The following CNTNAP4 variants were observed in gnomAD, a reference collection of about 807,000 sequenced individuals.
The protein encoded by CNTNAP4 is contactin-associated protein-like 4.
Under a neutral mutation model 148.4 loss-of-function variants are expected in CNTNAP4, and 98 were observed. That is an observed-to-expected ratio of 0.66 (90% confidence interval 0.56 to 0.78). The LOEUF is 0.78. CNTNAP4 is among the 30% of genes least tolerant of loss of function. CNTNAP4 has a pLI of 0.00. For synonymous variants in CNTNAP4, 730 were observed against 565.1 expected, an observed-to-expected ratio of 1.29 and a Z score of -4.14; for missense variants, 1,935 against 1,565.6, an observed-to-expected ratio of 1.24 and a Z score of -3.98.
intron 3 of CNTNAP4, among the ~76,000 whole-genome samples, chr16:76,411,866 C>G (rs2078809263): frequency 6.6e-6 from 1 of 151,374 alleles, no homozygotes. Context: ...GTATATACAA[C>G]TCATTGGACT....
intron 2 of CNTNAP4, among the ~76,000 whole-genome samples, chr16:76,322,609 G>A (rs1962540637): frequency 6.6e-6 from 1 of 152,092 alleles, no homozygotes; most frequent in Middle Eastern, 3.2e-3. Flanking sequence ...ACAGTGAGAT[G>A]GTATTGTCCT....
At chr16:76,416,828 A>G (rs1389826020) in intron 3 of CNTNAP4, among the ~76,000 whole-genome samples, 1 of 151,314 alleles carries the variant, frequency 6.6e-6, no homozygotes, top group Non-Finnish European at 1.5e-5. Flanking sequence ...AACTATAATA[A>G]TGGACTTCTC....
chr16:76,554,413 A>G (rs550515034), intron 23 of CNTNAP4, among the ~76,000 whole-genome samples: 1 of 152,194 alleles, frequency 6.6e-6, no homozygotes, highest in East Asian at 1.9e-4. Flanking sequence ...TCAACTAAAT[A>G]TTACACTTTC....
Position 76,479,442 on chromosome 16 carries a change from G to A in CNTNAP4, c.1786G>A (p.Ala596Thr). Residue 596 changes from alanine (A) to threonine (T), a missense_variant, in exon 12 of 24, where the codon GCC (alanine) becomes ACC (threonine). Coordinates refer to ENST00000611870, the MANE Select transcript of CNTNAP4 (RefSeq NM_033401.5). ...HNSIYEQSCE[A>T]YKHRGNTSGF... ...AGCTATCTATGAGCAGTCATGTGAA[G>A]CCTATAAGCACAGAGGAAATACTTC... 6.2e-7 allele frequency: 1 copy of A among 1,606,724 alleles called. No homozygotes were observed. The highest frequency in any genetic ancestry group is 8.5e-7 in the Non-Finnish European group (1 of 1,176,730).
At chr16:76,488,448 G>C (rs1386049416) in intron 12 of CNTNAP4, among the ~76,000 whole-genome samples, 1 of 152,064 alleles carries the variant, frequency 6.6e-6, no homozygotes, top group Non-Finnish European at 1.5e-5. Flanking sequence ...CTGTGAAGTT[G>C]GTCCAGCCTC....
At chr16:76,431,333 T>C (rs1423772102) in intron 4 of CNTNAP4, among the ~76,000 whole-genome samples, 2 of 152,144 alleles carry the variant, frequency 1.3e-5, no homozygotes, top group Admixed American at 6.5e-5. Context: ...GCTTTCACTC[T>C]TGTTTGGACA....
chr16:76,414,939 C>T (rs1292141573), intron 3 of CNTNAP4, among the ~76,000 whole-genome samples: 1 of 145,540 alleles, frequency 6.9e-6, no homozygotes, highest in East Asian at 2.0e-4. Flanking sequence ...CTTAAACGTT[C>T]TTTTCAAAAA....
chr16:76,436,066 G>T (rs2079814100), intron 4 of CNTNAP4, among the ~76,000 whole-genome samples: 1 of 152,214 alleles, frequency 6.6e-6, no homozygotes, highest in East Asian at 1.9e-4. Context: ...CTTTAGTCTA[G>T]TTATAGGTAT....
intron 2 of CNTNAP4, among the ~76,000 whole-genome samples, chr16:76,340,765 G>A (rs898362616): frequency 2.6e-5 from 4 of 152,130 alleles, no homozygotes; most frequent in South Asian, 2.1e-4. Flanking sequence ...TTATTCAAGC[G>A]TGAGAACTCC....
At chr16:76,445,883 C>G (rs1019286649) in intron 4 of CNTNAP4, among the ~76,000 whole-genome samples, 10 of 152,104 alleles carry the variant, frequency 6.6e-5, no homozygotes, top group African/African-American at 2.4e-4. Context: ...GTCTGTCTTA[C>G]TGGAATTTTT....
At chr16:76,358,440 C>G (rs1380608451) in intron 3 of CNTNAP4, among the ~76,000 whole-genome samples, 2 of 152,142 alleles carry the variant, frequency 1.3e-5, no homozygotes, top group African/African-American at 4.8e-5. Context: ...ATACAGATTC[C>G]TAAGCATTTG....
intron 3 of CNTNAP4, among the ~76,000 whole-genome samples, chr16:76,391,150 C>G (rs989850919): frequency 2.6e-5 from 4 of 152,164 alleles, no homozygotes; most frequent in South Asian, 2.1e-4. Context: ...CCTAGCCCCC[C>G]ACTACCCTTC....
chr16:76,434,399 C>T (rs2079736263), intron 4 of CNTNAP4, among the ~76,000 whole-genome samples: 1 of 152,102 alleles, frequency 6.6e-6, no homozygotes, highest in South Asian at 2.1e-4. Context: ...AAGGCATTTG[C>T]CAAGTCAATG....
At chr16:76,298,714 T>A (rs1405385941) in intron 1 of CNTNAP4, among the ~76,000 whole-genome samples, 1 of 152,162 alleles carries the variant, frequency 6.6e-6, no homozygotes, top group Non-Finnish European at 1.5e-5. Flanking sequence ...GCAGGGATGC[T>A]GGCCAACTGG....
chr16:76,485,541 A>G (rs1356443588), intron 12 of CNTNAP4, among the ~76,000 whole-genome samples: 1 of 152,194 alleles, frequency 6.6e-6, no homozygotes, highest in East Asian at 1.9e-4. Context: ...GAGACTTTCA[A>G]GTTTTTCTAA....
chr16:76,518,765 C>T (rs1384148345), intron 15 of CNTNAP4, among the ~76,000 whole-genome samples: 1 of 152,076 alleles, frequency 6.6e-6, no homozygotes, highest in Non-Finnish European at 1.5e-5. Context: ...TGTAGTCACC[C>T]CAGTCTGCTA....
chr16:76,490,950 A>G (rs1009491719), intron 13 of CNTNAP4, among the ~76,000 whole-genome samples: 12 of 152,238 alleles, frequency 7.9e-5, no homozygotes, highest in Non-Finnish European at 1.6e-4. Context: ...AGAGAATGAC[A>G]AAAATTTAAA....
intron 4 of CNTNAP4, among the ~76,000 whole-genome samples, chr16:76,437,063 G>A (rs1354880744): frequency 6.6e-6 from 1 of 151,700 alleles, no homozygotes; most frequent in Non-Finnish European, 1.5e-5. Flanking sequence ...GCAAGCTGAG[G>A]AGCAAGGAAG....
At chr16:76,297,791 T>A (rs1959468733) in intron 1 of CNTNAP4, among the ~76,000 whole-genome samples, 1 of 152,216 alleles carries the variant, frequency 6.6e-6, no homozygotes. Flanking sequence ...TTGCTCTCTT[T>A]AATTTTGTTT....
Sources: gnomAD v4.1 joint callset for allele counts (sites outside exome capture counted in the v4.1 genomes callset) on GRCh38, gnomAD v4.1.1 for gene constraint, MANE v1.5 for transcripts, NCBI Gene and HGNC (gene_info 2026-07-23, HGNC 2026-07-21) for gene names.